Variants in CCDC7 observed in about 807,000 individuals in gnomAD.
CCDC7 encodes the protein coiled-coil domain-containing protein 7.
In CCDC7, 183 loss-of-function variants were observed where a neutral mutation model predicts 196.9. The ratio of observed to expected loss-of-function variants is 0.93; its 90% CI spans 0.82 to 1.05. CCDC7 has a LOEUF of 1.05. Ranked by LOEUF, CCDC7 falls within the 50% of genes least tolerant of loss-of-function variation. The probability of loss-of-function intolerance (pLI) is 0.00; values close to 1 mark genes in which losing one functional copy is unlikely to be tolerated. For missense variants in CCDC7, 1,540 were observed against 1,482.2 expected (o/e 1.04, Z -0.64); for synonymous variants, 525 against 484.6 (o/e 1.08, Z -1.10).
intron 23 of CCDC7, among the ~76,000 whole-genome samples, chr10:32,693,327 A>G (rs1232436405): frequency 6.6e-6 from 1 of 152,210 alleles, no homozygotes; most frequent in African/African-American, 2.4e-5. Context: ...GTAGGTAACC[A>G]ATAACATTGT....
At chr10:32,859,314 G>A (rs1407819067) in intron 41 of CCDC7, among the ~76,000 whole-genome samples, 1 of 152,172 alleles carries the variant, frequency 6.6e-6, no homozygotes, top group African/African-American at 2.4e-5. Flanking sequence ...GCTCCTGAAT[G>A]ACTACTGGGT....
chr10:32,685,359 T>C (rs2076351082), intron 21 of CCDC7, among the ~76,000 whole-genome samples: 2 of 152,208 alleles, frequency 1.3e-5, no homozygotes, highest in Non-Finnish European at 2.9e-5. Flanking sequence ...ATAGCAAGCT[T>C]GTCCAACCTG....
At chr10:32,534,642 G>A (rs574405641) in intron 11 of CCDC7, among the ~76,000 whole-genome samples, 1 of 152,190 alleles carries the variant, frequency 6.6e-6, no homozygotes, top group South Asian at 2.1e-4. Flanking sequence ...TAAATGATGA[G>A]AGTGCTGCTT....
chr10:32,711,688 C>T lies in CCDC7; in HGVS notation c.2527C>T (p.Gln843Ter), dbSNP rs1462957448. ...AGATTCAGTGTCAAAAATCCAAGTG[C>T]AATTAGAGATTCAAGAAACTTCTGA... The change falls in exon 25 of 42, where the codon CAA (glutamine) becomes TAA (stop). Residue 843 changes from glutamine (Q) to a stop codon, truncating the protein, a stop_gained. Transcript: ENST00000639629. LOFTEE classifies it high-confidence loss of function. 2 of 1,592,680 alleles carry T rather than the reference C, an allele frequency of 1.3e-6. No homozygotes were observed. The highest frequency in any genetic ancestry group is 1.7e-6 in the Non-Finnish European group (2 of 1,171,840).
At chr10:32,498,104 T>C (rs973024379) in intron 9 of CCDC7, among the ~76,000 whole-genome samples, 2 of 152,170 alleles carry the variant, frequency 1.3e-5, no homozygotes, top group African/African-American at 4.8e-5. Context: ...ATATTTAGGA[T>C]AGTTAGCTCT....
chr10:32,648,946 G>T (rs929637091), intron 20 of CCDC7, among the ~76,000 whole-genome samples: 4 of 152,110 alleles, frequency 2.6e-5, no homozygotes, highest in Non-Finnish European at 5.9e-5. Context: ...AGAAAATGTG[G>T]TACATATATT....
intron 9 of CCDC7, chr10:32,499,208 T>C (rs373447568): frequency 6.6e-6 from 1 of 152,166 alleles, no homozygotes; most frequent in South Asian, 2.1e-4. Flanking sequence ...TTATTTTACC[T>C]GTCTTCTATT....
intron 5 of CCDC7, among the ~76,000 whole-genome samples, chr10:32,466,176 A>G (rs2036729012): frequency 1.3e-5 from 2 of 150,950 alleles, no homozygotes; most frequent in Non-Finnish European, 2.9e-5. Context: ...CTTATCTTTA[A>G]TATTTTATTA....
At chr10:32,656,445 T>TA (rs149406880) in intron 20 of CCDC7, among the ~76,000 whole-genome samples, 8,077 of 152,198 alleles carry the variant, frequency 0.053, 714 homozygotes, top group African/African-American at 0.18. Flanking sequence ...CATGGCTGGG[T>TA]GGCCTCAGGA....
intron 11 of CCDC7, among the ~76,000 whole-genome samples, chr10:32,542,357 G>T (rs1197464081): frequency 6.6e-6 from 1 of 152,136 alleles, no homozygotes; most frequent in African/African-American, 2.4e-5. Context: ...GAAAGGCCGG[G>T]TGCAGTGTCT....
chr10:32,565,422 G>A, intron 13 of CCDC7, 136 bp from the exon 15 acceptor site: 1 of 775,532 alleles, frequency 1.3e-6, no homozygotes, highest in Non-Finnish European at 1.9e-6. Context: ...CATTACACTT[G>A]AGAGATGTGC....
In CCDC7 at chr10:32,828,479, G is replaced by GAAGAAGAA. The variant is rs1565633928; in HGVS notation, c.3268+3875_3268+3876insAAGAAGAA. 2.7e-3 allele frequency among the ~76,000 whole-genome samples: 168 copies of GAAGAAGAA among 61,498 alleles called. 1 individual carries two copies. The highest frequency in any genetic ancestry group is 3.9e-3 in the Non-Finnish European group (114 of 29,288). 40.3% of individuals were successfully genotyped at this position (61,498 alleles called of 152,430 possible). A position where few individuals can be genotyped will look rare whatever the true frequency, so the allele number is the denominator to read the frequency against. On this transcript the variant is annotated intron_variant, in intron 32 of 41. Transcript: ENST00000639629. ...AAGAAGAAGAAGAGGAAGAGGAAGA[G>GAAGAAGAA]GAAGAGGAAGAAGAAGAAGAAGAAG...
chr10:32,472,356 GAT>G, intron 6 of CCDC7, 123 bp from the exon 8 acceptor site: 1 of 840,160 alleles, frequency 1.2e-6, no homozygotes. Flanking sequence ...AAAGATTAAA[GAT>G]ATGTTTAATT....
At chr10:32,639,885 G>A (rs2066401843) in intron 20 of CCDC7, among the ~76,000 whole-genome samples, 1 of 152,122 alleles carries the variant, frequency 6.6e-6, no homozygotes, top group East Asian at 1.9e-4. Flanking sequence ...CCAAATTGCT[G>A]GGATTACAAG....
intron 28 of CCDC7, among the ~76,000 whole-genome samples, chr10:32,737,921 G>A (rs2085141890): frequency 6.6e-6 from 1 of 152,012 alleles, no homozygotes; most frequent in Non-Finnish European, 1.5e-5. Flanking sequence ...TATATTTAAA[G>A]CCAATTTCTG....
At chr10:32,604,238 G>A (rs780753913) in intron 18 of CCDC7, among the ~76,000 whole-genome samples, 10 of 152,114 alleles carry the variant, frequency 6.6e-5, no homozygotes, top group Admixed American at 4.6e-4. Flanking sequence ...TAAAAAGTGA[G>A]TTGACTGTAA....
At chr10:32,741,475 C>T (rs2085828473) in intron 28 of CCDC7, among the ~76,000 whole-genome samples, 1 of 152,130 alleles carries the variant, frequency 6.6e-6, no homozygotes, top group Non-Finnish European at 1.5e-5. Flanking sequence ...CCAAAATCTG[C>T]ACATAGTCAA....
At chr10:32,680,875 T>A (rs2075763203) in intron 21 of CCDC7, among the ~76,000 whole-genome samples, 1 of 152,176 alleles carries the variant, frequency 6.6e-6, no homozygotes, top group African/African-American at 2.4e-5. Context: ...TTTTGAAAAC[T>A]GAGAGAATTT....
At chr10:32,632,383 G>A (rs1427965895) in intron 18 of CCDC7, among the ~76,000 whole-genome samples, 2 of 151,606 alleles carry the variant, frequency 1.3e-5, no homozygotes, top group Non-Finnish European at 2.9e-5. Context: ...ATATCGTTTA[G>A]TATATCGATT....
Sources: gnomAD v4.1 joint callset for allele counts (sites outside exome capture counted in the v4.1 genomes callset) on GRCh38, gnomAD v4.1.1 for gene constraint, MANE v1.5 for transcripts, NCBI Gene and HGNC (gene_info 2026-07-23, HGNC 2026-07-21) for gene names.